UGT1A8: variants seen among roughly 807,000 people sequenced by gnomAD.
The protein encoded by UGT1A8 is UDP glucuronosyltransferase family 1 member A8.
Under a neutral mutation model 45.3 loss-of-function variants are expected in UGT1A8, and 39 were observed. The ratio of observed to expected loss-of-function variants is 0.86; its 90% confidence interval spans 0.67 to 1.12. UGT1A8 has a LOEUF of 1.12. UGT1A8 is among the 50% of genes most tolerant of loss of function. The pLI is 0.00. For synonymous variants in UGT1A8, 275 were observed against 249.2 expected (o/e 1.10, Z -0.97); for missense variants, 719 against 664.9 (o/e 1.08, Z -0.90).
chr2:233,729,769 C>T (rs760048643), intron 1 of UGT1A8: 6 of 1,614,014 alleles, frequency 3.7e-6, no homozygotes, highest in East Asian at 2.2e-5. Flanking sequence ...CAAGAACATG[C>T]TCTACCCTCT....
In UGT1A8 at chr2:233,676,139, C is replaced by A. The variant is rs117461187; in HGVS notation, c.855+57577C>A. 5.3e-5 allele frequency among the ~76,000 whole-genome samples: 8 copies of A among 152,256 alleles called. No individual in the cohort carries two copies. The East Asian group carries it at 1.4e-3, about 26-fold the overall frequency. On this transcript the variant is annotated intron_variant, in intron 1 of 4. Coordinates refer to ENST00000373450, the MANE Select transcript of UGT1A8 (RefSeq NM_019076.5). The stretch of plus-strand genomic sequence containing the variant: ...GAAGACCCACCCTGGGGTCCTTGAG[C>A]TCCAGCGTCAGACTCCAAAACCATT...
chr2:233,715,559 C>T (rs1347075985), intron 1 of UGT1A8, among the ~76,000 whole-genome samples: 1 of 152,016 alleles, frequency 6.6e-6, no homozygotes, highest in South Asian at 2.1e-4. Context: ...ATTGCTTGAG[C>T]CCAGGAGTCT....
rs192581947 is a variant in UGT1A8 at position 233,649,087 on chromosome 2, C to A, written c.855+30525C>A. 1.2e-4 allele frequency: 101 copies of A among 866,046 alleles called. No individual in the cohort carries two copies. In the African/African-American group the frequency reaches 1.7e-3, roughly 14 times the overall value. The allele number at this position is 866,046 out of a possible 1,614,324, so 53.6% of individuals were successfully genotyped here. A position where few individuals can be genotyped will look rare whatever the true frequency, so the allele number is the denominator to read the frequency against. The stretch of plus-strand genomic sequence containing the variant: ...CTGGATTTGAATATTTAAAAAGATT[C>A]CTTACGGAACTGGGATTTGACATTT... On this transcript the variant is annotated intron_variant, in intron 1 of 4. Transcript: ENST00000373450.
At chr2:233,693,955 G>A (rs2075191265) in intron 1 of UGT1A8, 1 of 1,586,932 alleles carries the variant, frequency 6.3e-7, no homozygotes, top group Admixed American at 1.8e-5. Flanking sequence ...ACTGTCCCTT[G>A]GAGGATTTCC....
intron 1 of UGT1A8, chr2:233,682,009 G>A (rs779022802): frequency 2.5e-6 from 4 of 1,614,122 alleles, no homozygotes; most frequent in Non-Finnish European, 3.4e-6. Context: ...GCTTTGCCAA[G>A]GCAGGGAAGC....
chr2:233,718,368 T>C (rs1366364618), intron 1 of UGT1A8, among the ~76,000 whole-genome samples: 1 of 152,222 alleles, frequency 6.6e-6, no homozygotes, highest in African/African-American at 2.4e-5. Context: ...TATTCACATA[T>C]GAGAAGAAAG....
intron 1 of UGT1A8, among the ~76,000 whole-genome samples, chr2:233,695,395 A>G (rs1203917830): frequency 6.6e-6 from 1 of 150,614 alleles, no homozygotes; most frequent in Non-Finnish European, 1.5e-5. Flanking sequence ...AAGTGCTGGG[A>G]TTACAGGCGT....
chr2:233,689,597 C>G (rs2074950775), intron 1 of UGT1A8, among the ~76,000 whole-genome samples: 1 of 152,146 alleles, frequency 6.6e-6, no homozygotes, highest in African/African-American at 2.4e-5. Flanking sequence ...GGAAGAGAAG[C>G]TTGGTTTAAA....
At chr2:233,705,460 C>T (rs1045270048) in intron 1 of UGT1A8, among the ~76,000 whole-genome samples, 5 of 152,132 alleles carry the variant, frequency 3.3e-5, no homozygotes, top group Non-Finnish European at 5.9e-5. Flanking sequence ...TATTTTTTAG[C>T]AGACACACAT....
intron 1 of UGT1A8, among the ~76,000 whole-genome samples, chr2:233,633,415 G>C (rs2073225876): frequency 6.6e-6 from 1 of 152,144 alleles, no homozygotes; most frequent in South Asian, 2.1e-4. Context: ...CTCTGGTAGA[G>C]TTCGGCTGTG....
At chr2:233,627,018 G>A (rs1353722048) in intron 1 of UGT1A8, among the ~76,000 whole-genome samples, 1 of 151,730 alleles carries the variant, frequency 6.6e-6, no homozygotes, top group African/African-American at 2.4e-5. Context: ...GTCCCCTCAA[G>A]GCTTAAGGTT....
chr2:233,676,608 C>T (rs1575420847), intron 1 of UGT1A8, among the ~76,000 whole-genome samples: 1 of 152,182 alleles, frequency 6.6e-6, no homozygotes, highest in Non-Finnish European at 1.5e-5. Context: ...TCCTTTGTCT[C>T]CTCCAGCCTG....
intron 1 of UGT1A8, among the ~76,000 whole-genome samples, chr2:233,641,935 T>C (rs979215638): frequency 6.6e-6 from 1 of 152,228 alleles, no homozygotes; most frequent in Non-Finnish European, 1.5e-5. Flanking sequence ...TAGAATCTTT[T>C]CTTTATCCTT....
At chr2:233,651,803 TTGTG>T (rs888901475) in intron 1 of UGT1A8, among the ~76,000 whole-genome samples, 1 of 152,096 alleles carries the variant, frequency 6.6e-6, no homozygotes, top group African/African-American at 2.4e-5. Flanking sequence ...CCACGCGTGT[TTGTG>T]TGTGTGCATG....
chr2:233,723,731 T>A lies in UGT1A8; in HGVS notation c.856-43303T>A, dbSNP rs1266221554. ...CTTGAGATTAGGGATTGGTGATGAC[T>A]CTTAACGAGCATGCTGCCTTCAAGC... On this transcript the variant is annotated intron_variant, in intron 1 of 4. Coordinates refer to ENST00000373450, the MANE Select transcript of UGT1A8 (RefSeq NM_019076.5). Among the ~76,000 whole-genome samples, 3 of 78,960 alleles carry A rather than the reference T, an allele frequency of 3.8e-5. 1 individual carries two copies. The highest frequency in any genetic ancestry group is 6.7e-5 in the Non-Finnish European group (3 of 44,612). The allele number at this position is 78,960 out of a possible 152,430, so 51.8% of individuals were successfully genotyped here. A position where few individuals can be genotyped will look rare whatever the true frequency, so the allele number is the denominator to read the frequency against.
chr2:233,755,009 G>C (rs1198421851), intron 1 of UGT1A8: 1 of 1,292,254 alleles, frequency 7.7e-7, no homozygotes, highest in African/African-American at 1.5e-5. Context: ...AGACCTACTC[G>C]AAGGGGTCCT....
chr2:233,682,004 G>A, intron 1 of UGT1A8: 1 of 1,614,150 alleles, frequency 6.2e-7, no homozygotes, highest in South Asian at 1.1e-5. Context: ...CTGTGGCTTT[G>A]CCAAGGCAGG....
intron 1 of UGT1A8, among the ~76,000 whole-genome samples, chr2:233,688,937 A>G (rs2074920276): frequency 6.6e-6 from 1 of 152,204 alleles, no homozygotes; most frequent in South Asian, 2.1e-4. Flanking sequence ...TGGCAGGTGC[A>G]GCATGAAGCC....
chr2:233,768,439 G>C lies in UGT1A8; in HGVS notation c.1295G>C (p.Ser432Thr), dbSNP rs1306719122. 1 of 1,613,244 alleles carries C rather than the reference G, an allele frequency of 6.2e-7. No homozygotes were observed. The highest frequency in any genetic ancestry group is 1.1e-5 in the South Asian group (1 of 90,868). ...NALKAVINDK[S>T]YKENIMRLSS... ...CTAAAAGCAGTCATCAATGACAAAA[G>C]GTAAGAAAGAAGATACAGAAGAATA... The change falls in exon 4 of 5, where the codon AGT becomes ACT. Residue 432 changes from serine (S) to threonine (T), a missense_variant and splice_region_variant. By Grantham distance (58) the Ser-to-Thr change is moderately conservative. Transcript: ENST00000373450.
Sources: allele counts gnomAD v4.1 joint callset (sites outside exome capture counted in the v4.1 genomes callset), GRCh38; gene constraint gnomAD v4.1.1; transcripts MANE v1.5; gene names NCBI Gene and HGNC (gene_info 2026-07-23, HGNC 2026-07-21).